The following RRAS2 variants were observed in gnomAD, a reference collection of about 807,000 sequenced individuals.
RRAS2 encodes ras-related protein R-Ras2.
Under a neutral mutation model 27.6 loss-of-function variants are expected in RRAS2, and 7 were observed. The observed-to-expected ratio is 0.25, with a 90% CI of 0.14 to 0.48. The LOEUF (loss-of-function observed/expected upper bound fraction) is 0.48. RRAS2 is among the 20% of genes least tolerant of loss of function. The pLI, the probability that RRAS2 is intolerant of heterozygous loss-of-function variation, is 0.99. For synonymous variants in RRAS2, 86 were observed against 90.9 expected (o/e 0.95, Z 0.31); for missense variants, 178 against 256.2 (o/e 0.69, Z 2.08).
chr11:14,282,049 A>G (rs781884955), intron 4 of RRAS2, among the ~76,000 whole-genome samples: 13 of 152,234 alleles, frequency 8.5e-5, no homozygotes, highest in Non-Finnish European at 1.3e-4. Flanking sequence ...GAGATGAGCG[A>G]AAGCTTCCCT....
chr11:14,360,334 AC>A (rs1804002403), upstream of RRAS2, among the ~76,000 whole-genome samples: 1 of 152,152 alleles, frequency 6.6e-6, no homozygotes, highest in African/African-American at 2.4e-5. Context: ...TCTGAATGCA[AC>A]TGCGTGAGAG....
intron 1 of RRAS2, among the ~76,000 whole-genome samples, chr11:14,324,209 G>T (rs992418689): frequency 2.0e-5 from 3 of 151,640 alleles, no homozygotes; most frequent in Non-Finnish European, 4.4e-5. Context: ...ATTCAGCAAG[G>T]TATTTGGATA....
intron 1 of RRAS2, among the ~76,000 whole-genome samples, chr11:14,347,543 G>A (rs1322839252): frequency 1.3e-5 from 2 of 152,110 alleles, no homozygotes; most frequent in Non-Finnish European, 1.5e-5. Context: ...TTTTATACAG[G>A]GACAGATGGC....
chr11:14,344,681 G>A (rs541012589), intron 1 of RRAS2, among the ~76,000 whole-genome samples: 27 of 152,292 alleles, frequency 1.8e-4, no homozygotes, highest in African/African-American at 6.5e-4. Flanking sequence ...TAAAACAAAA[G>A]TTACAACTTT....
At chr11:14,288,082 G>A (rs1849711935) in intron 4 of RRAS2, among the ~76,000 whole-genome samples, 1 of 152,150 alleles carries the variant, frequency 6.6e-6, no homozygotes. Flanking sequence ...CCAGTCTCAG[G>A]TGACCTTCCC....
At chr11:14,325,903 C>A (rs1848345978) in intron 1 of RRAS2, among the ~76,000 whole-genome samples, 1 of 152,082 alleles carries the variant, frequency 6.6e-6, no homozygotes, top group East Asian at 1.9e-4. Flanking sequence ...AAAATACTGT[C>A]CAATTGTGGA....
intron 4 of RRAS2, among the ~76,000 whole-genome samples, chr11:14,292,595 T>C (rs1847428962): frequency 6.6e-6 from 1 of 151,888 alleles, no homozygotes; most frequent in Admixed American, 6.6e-5. Context: ...AAAAACAAAA[T>C]TAAATCTAAA....
chr11:14,340,115 G>A, intron 1 of RRAS2, among the ~76,000 whole-genome samples: 1 of 135,464 alleles, frequency 7.4e-6, no homozygotes, highest in Non-Finnish European at 1.6e-5. Context: ...GGGAGACAGG[G>A]CAACAGAGTC....
At chr11:14,345,498 T>C (rs552970906) in intron 1 of RRAS2, among the ~76,000 whole-genome samples, 1 of 152,298 alleles carries the variant, frequency 6.6e-6, no homozygotes, top group African/African-American at 2.4e-5. Context: ...GGGTTTAAGA[T>C]AATGTCAAGG....
At chr11:14,359,185 G>C (rs1255235457), upstream of RRAS2, 5 of 1,004,050 alleles carry the variant, frequency 5.0e-6, no homozygotes, top group Non-Finnish European at 5.9e-6. Flanking sequence ...TGGCCGTCTG[G>C]GGGCCGGGCT....
At chr11:14,315,585 T>C (rs1171504685) in intron 1 of RRAS2, among the ~76,000 whole-genome samples, 1 of 152,220 alleles carries the variant, frequency 6.6e-6, no homozygotes, top group Non-Finnish European at 1.5e-5. Context: ...GTATAGACTT[T>C]AGCTAATAAT....
intron 1 of RRAS2, among the ~76,000 whole-genome samples, chr11:14,355,219 C>T (rs1849047573): frequency 1.3e-5 from 2 of 150,918 alleles, no homozygotes; most frequent in Admixed American, 6.6e-5. Context: ...CCAAACCCAA[C>T]ATTTCATGGG....
At chr11:14,348,701 C>T (rs1554954392) in intron 1 of RRAS2, among the ~76,000 whole-genome samples, 2 of 152,166 alleles carry the variant, frequency 1.3e-5, no homozygotes. Flanking sequence ...TTTTTGAGCA[C>T]TCCCTTATGA....
chr11:14,306,478 ATT>A (rs1208830937), intron 1 of RRAS2, among the ~76,000 whole-genome samples: 2 of 151,896 alleles, frequency 1.3e-5, no homozygotes, highest in East Asian at 1.9e-4. Flanking sequence ...ATTTGCAAAT[ATT>A]TTCTCTCATA....
chr11:14,305,584 T>A (rs1847811644), intron 1 of RRAS2, among the ~76,000 whole-genome samples: 1 of 152,182 alleles, frequency 6.6e-6, no homozygotes, highest in African/African-American at 2.4e-5. Flanking sequence ...AGCCTTCTTC[T>A]GAAAACATTC....
intron 4 of RRAS2, among the ~76,000 whole-genome samples, chr11:14,285,837 C>T (rs1849646793): frequency 6.6e-6 from 1 of 152,186 alleles, no homozygotes; most frequent in Admixed American, 6.5e-5. Context: ...ATGTAATGTG[C>T]TCTTTTCCCC....
chr11:14,300,265 C>T (rs549420538), intron 1 of RRAS2, among the ~76,000 whole-genome samples: 43 of 152,270 alleles, frequency 2.8e-4, no homozygotes, highest in South Asian at 2.1e-4. Context: ...AGCATGCCTT[C>T]CCGGTAGTAT....
chr11:14,309,693 C>T (rs782729999), intron 1 of RRAS2, among the ~76,000 whole-genome samples: 36 of 152,190 alleles, frequency 2.4e-4, no homozygotes, highest in Admixed American at 1.9e-3. Context: ...AAAGGCAGTG[C>T]GGTGAGAGTA....
chr11:14,328,985 ATGTGTG>A (rs201186500), intron 1 of RRAS2, among the ~76,000 whole-genome samples: 14 of 139,700 alleles, frequency 1.0e-4, no homozygotes, highest in African/African-American at 3.5e-4. Flanking sequence ...TTTTATATAT[ATGTGTG>A]TGTGTGTGTG....
Sources: allele counts gnomAD v4.1 joint callset (sites outside exome capture counted in the v4.1 genomes callset), GRCh38; gene constraint gnomAD v4.1.1; transcripts MANE v1.5; gene names NCBI Gene and HGNC (gene_info 2026-07-23, HGNC 2026-07-21).